Variants in LTBP1 observed in about 807,000 individuals in gnomAD.
The protein encoded by LTBP1 is latent transforming growth factor beta binding protein 1, also known as latent-transforming growth factor beta-binding protein 1.
A neutral mutation model predicts 207.6 loss-of-function variants in LTBP1; 129 were observed. The ratio of observed to expected loss-of-function variants is 0.62; its 90% CI spans 0.54 to 0.72. The LOEUF (loss-of-function observed/expected upper bound fraction) is 0.72, where lower values mean the gene tolerates loss of function less well. Ranked by LOEUF, LTBP1 falls within the 30% of genes least tolerant of loss-of-function variation. LTBP1 has a pLI of 0.00. For synonymous variants in LTBP1, 963 were observed against 833.7 expected (o/e 1.16, Z -2.67); for missense variants, 2,281 against 2,217.2 (o/e 1.03, Z -0.58).
At chr2:33,042,103 C>T (rs911747662) in intron 3 of LTBP1, among the ~76,000 whole-genome samples, 2 of 152,154 alleles carry the variant, frequency 1.3e-5, no homozygotes, top group Non-Finnish European at 2.9e-5. Flanking sequence ...TCAATCTTTT[C>T]ACATGCTTTT....
At chr2:33,010,188 C>CA (rs1241177629) in intron 2 of LTBP1, among the ~76,000 whole-genome samples, 1 of 152,172 alleles carries the variant, frequency 6.6e-6, no homozygotes, top group Non-Finnish European at 1.5e-5. Flanking sequence ...CAAGAACTCC[C>CA]ACTGGATTTA....
chr2:33,325,392 G>A (rs1441368054), intron 24 of LTBP1, among the ~76,000 whole-genome samples: 1 of 152,214 alleles, frequency 6.6e-6, no homozygotes, highest in Non-Finnish European at 1.5e-5. Flanking sequence ...TCAAAAAGAT[G>A]AATCTGGGGT....
intron 10 of LTBP1, among the ~76,000 whole-genome samples, chr2:33,246,805 G>C (rs1338793432): frequency 6.6e-6 from 1 of 152,190 alleles, no homozygotes; most frequent in African/African-American, 2.4e-5. Context: ...CTTGCCGCTT[G>C]CCTTGGCTTA....
At chr2:33,177,133 G>T (rs530047947) in intron 5 of LTBP1, among the ~76,000 whole-genome samples, 1 of 152,308 alleles carries the variant, frequency 6.6e-6, no homozygotes, top group East Asian at 1.9e-4. Context: ...ATTCCAGGCT[G>T]TTGCTCTTAA....
intron 14 of LTBP1, 98 bp downstream of exon 14, chr2:33,262,919 C>A: frequency 1.4e-6 from 1 of 720,682 alleles, no homozygotes; most frequent in South Asian, 2.0e-5. Context: ...AATTACTAGA[C>A]TTCATAACTG....
chr2:33,072,863 G>A (rs191897805), intron 3 of LTBP1, among the ~76,000 whole-genome samples: 1 of 152,294 alleles, frequency 6.6e-6, no homozygotes, highest in Non-Finnish European at 1.5e-5. Context: ...TTCCATTCAC[G>A]TTTCATTGGC....
At chr2:33,147,735 A>T (rs563431394) in intron 5 of LTBP1, among the ~76,000 whole-genome samples, 3 of 152,198 alleles carry the variant, frequency 2.0e-5, no homozygotes, top group Non-Finnish European at 2.9e-5. Context: ...CATGATTGCC[A>T]TATGAAATGC....
At chr2:33,149,373 A>G (rs1027106749) in intron 5 of LTBP1, among the ~76,000 whole-genome samples, 1 of 152,080 alleles carries the variant, frequency 6.6e-6, no homozygotes, top group Non-Finnish European at 1.5e-5. Flanking sequence ...CCTATCAGAC[A>G]ACATCTTAGA....
chr2:33,228,715 T>TTTTTTTTTTTTTTTTTTTTTTTG (rs2091605231), intron 9 of LTBP1, among the ~76,000 whole-genome samples: 1 of 142,344 alleles, frequency 7.0e-6, no homozygotes. Context: ...TTTTTTTTTT[T>TTTTTTTTTTTTTTTTTTTTTTTG]TTTGAGATGG....
At chr2:33,054,184 G>A (rs1169501970) in intron 3 of LTBP1, among the ~76,000 whole-genome samples, 2 of 152,200 alleles carry the variant, frequency 1.3e-5, no homozygotes, top group Non-Finnish European at 2.9e-5. Flanking sequence ...CTGCCTCACT[G>A]ATGAGTCTAA....
At chr2:33,192,974 G>A (rs2088084099) in intron 7 of LTBP1, among the ~76,000 whole-genome samples, 1 of 151,876 alleles carries the variant, frequency 6.6e-6, no homozygotes, top group South Asian at 2.1e-4. Flanking sequence ...CTCTTATTAG[G>A]TCCCATACTC....
chr2:33,310,915 A>G (rs374636904), intron 23 of LTBP1, among the ~76,000 whole-genome samples: 58 of 152,120 alleles, frequency 3.8e-4, no homozygotes, highest in Middle Eastern at 6.8e-3. Flanking sequence ...AATAAATGTT[A>G]TTTTTTTCTT....
intron 10 of LTBP1, among the ~76,000 whole-genome samples, chr2:33,251,436 G>A (rs779761195): frequency 1.3e-5 from 2 of 152,052 alleles, no homozygotes; most frequent in African/African-American, 4.8e-5. Context: ...CGAGGCGTGC[G>A]GATCACAAGG....
intron 8 of LTBP1, among the ~76,000 whole-genome samples, chr2:33,218,960 G>A (rs184402039): frequency 1.4e-3 from 214 of 152,084 alleles, no homozygotes; most frequent in Middle Eastern, 6.8e-3. Context: ...ATTCAATCTA[G>A]GATTTGCCAT....
intron 11 of LTBP1, among the ~76,000 whole-genome samples, chr2:33,254,748 T>TC (rs2092787244): frequency 2.2e-5 from 1 of 45,882 alleles, no homozygotes; most frequent in African/African-American, 1.0e-4. Flanking sequence ...CCCTCCCGCC[T>TC]CCCCCCACCC....
intron 3 of LTBP1, among the ~76,000 whole-genome samples, chr2:33,072,541 C>T (rs1238508095): frequency 6.6e-6 from 1 of 152,134 alleles, no homozygotes; most frequent in Non-Finnish European, 1.5e-5. Context: ...AGTTTCAGGA[C>T]AGAAAGGCAG....
At chr2:33,257,835 C>G (rs2092905987) in intron 12 of LTBP1, among the ~76,000 whole-genome samples, 1 of 152,158 alleles carries the variant, frequency 6.6e-6, no homozygotes, top group Non-Finnish European at 1.5e-5. Context: ...CATTTCTTGT[C>G]TAGAAGGCCA....
rs956991493 is a variant in LTBP1 at position 33,396,378 on chromosome 2, G to A, written c.4835-755G>A. Among the ~76,000 whole-genome samples the A allele has an allele frequency of 3.3e-5, 5 of 151,958 alleles. No individual in the cohort carries two copies. In the East Asian group the frequency reaches 5.8e-4, roughly 18 times the overall value. ...TGGGATTACAGGTGTCCACCACCAC[G>A]CCCGGCTAATTTTCTGTATTTTTAG... On this transcript the variant is annotated intron_variant, in intron 32 of 33. Transcript: ENST00000404816.
chr2:33,056,054 T>C (rs1319983911), intron 3 of LTBP1, among the ~76,000 whole-genome samples: 1 of 152,188 alleles, frequency 6.6e-6, no homozygotes, highest in African/African-American at 2.4e-5. Flanking sequence ...ACATAAGGTA[T>C]TTCACTCCAT....
Sources: gnomAD v4.1 joint callset for allele counts (sites outside exome capture counted in the v4.1 genomes callset) on GRCh38, gnomAD v4.1.1 for gene constraint, MANE v1.5 for transcripts, NCBI Gene and HGNC (gene_info 2026-07-23, HGNC 2026-07-21) for gene names.